The following CAST variants were observed in gnomAD, a reference collection of about 807,000 sequenced individuals.
The protein encoded by CAST is calpastatin, also known as MIR583 host.
In CAST, 76 loss-of-function variants were observed where a neutral mutation model predicts 119.6. The ratio of observed to expected loss-of-function variants is 0.64; its 90% CI spans 0.53 to 0.77. The LOEUF (loss-of-function observed/expected upper bound fraction) is 0.77. Ranked by LOEUF, CAST falls within the 30% of genes least tolerant of loss-of-function variation. CAST has a pLI of 0.00. For synonymous variants in CAST, 319 were observed against 331.6 expected (o/e 0.96, Z 0.41); for missense variants, 953 against 946.5 (o/e 1.01, Z -0.09).
the CAST span, among the ~76,000 whole-genome samples, chr5:96,407,675 A>C: frequency 1.3e-5 from 2 of 152,260 alleles, no homozygotes; most frequent in Admixed American, 6.5e-5. Flanking sequence ...GATGACTTTA[A>C]GGAAATTTGT....
At chr5:96,341,165 G>A in the CAST span, among the ~76,000 whole-genome samples, 1 of 152,250 alleles carries the variant, frequency 6.6e-6, no homozygotes, top group Admixed American at 6.5e-5. Context: ...GGAATTATTT[G>A]CACTTTAATT....
At chr5:96,294,610 C>A in the CAST span, among the ~76,000 whole-genome samples, 2 of 152,210 alleles carry the variant, frequency 1.3e-5, no homozygotes, top group African/African-American at 4.8e-5. Context: ...AGCATTTATG[C>A]AGATTCTAGA....
At chr5:96,335,749 A>G in the CAST span, among the ~76,000 whole-genome samples, 20 of 152,158 alleles carry the variant, frequency 1.3e-4, no homozygotes, top group Non-Finnish European at 2.1e-4. Context: ...AGCTACATGT[A>G]TCACTTCCCT....
the CAST span, among the ~76,000 whole-genome samples, chr5:96,156,710 C>T: frequency 2.6e-5 from 4 of 152,130 alleles, no homozygotes; most frequent in African/African-American, 9.7e-5. Context: ...TTTACGAACT[C>T]CAAAAATTAA....
the CAST span, among the ~76,000 whole-genome samples, chr5:96,030,739 C>T: frequency 6.6e-6 from 1 of 152,092 alleles, no homozygotes; most frequent in Non-Finnish European, 1.5e-5. Flanking sequence ...GGCCTTAGCC[C>T]TAATACTTTC....
At chr5:96,593,554 A>G (rs1747001003) in intron 1 of CAST, among the ~76,000 whole-genome samples, 1 of 152,222 alleles carries the variant, frequency 6.6e-6, no homozygotes, top group South Asian at 2.1e-4. Context: ...ATGCACATGA[A>G]CAGAAGAGAT....
At chr5:96,167,392 C>T in the CAST span, among the ~76,000 whole-genome samples, 28 of 152,006 alleles carry the variant, frequency 1.8e-4, no homozygotes, top group African/African-American at 3.1e-4. Context: ...TTTTTTGGGG[C>T]GCAGTCCAAG....
At chr5:96,213,816 G>T in the CAST span, 1 of 151,928 alleles carries the variant, frequency 6.6e-6, no homozygotes, top group Admixed American at 6.6e-5. Flanking sequence ...AATATTAAAA[G>T]GTCAATCCCG....
At chr5:96,479,399 CTCAA>C in the CAST span, among the ~76,000 whole-genome samples, 1 of 151,446 alleles carries the variant, frequency 6.6e-6, no homozygotes, top group Non-Finnish European at 1.5e-5. Context: ...TTGAAATATA[CTCAA>C]TCATTCAAAA....
chr5:96,459,539 A>T, the CAST span, among the ~76,000 whole-genome samples: 1 of 152,182 alleles, frequency 6.6e-6, no homozygotes, highest in East Asian at 1.9e-4. Context: ...CTTTTAAAAA[A>T]ATTAAGTATA....
At chr5:96,068,480 T>G in the CAST span, among the ~76,000 whole-genome samples, 3 of 151,940 alleles carry the variant, frequency 2.0e-5, no homozygotes, top group Admixed American at 6.6e-5. Context: ...CCCTTCCAGC[T>G]CCATCCATTC....
At chr5:96,121,659 G>A in the CAST span, among the ~76,000 whole-genome samples, 1 of 152,184 alleles carries the variant, frequency 6.6e-6, no homozygotes, top group African/African-American at 2.4e-5. Flanking sequence ...CAATTGAAGT[G>A]TAAGTGCAAT....
At chr5:96,470,207 A>G in the CAST span, among the ~76,000 whole-genome samples, 96,067 of 151,198 alleles carry the variant, frequency 0.64, 32,029 homozygotes, top group African/African-American at 0.76. Context: ...ACACACACAC[A>G]CACGCACAGA....
At chr5:96,555,377 T>G (rs958606333) in intron 1 of CAST, among the ~76,000 whole-genome samples, 1 of 151,918 alleles carries the variant, frequency 6.6e-6, no homozygotes, top group African/African-American at 2.4e-5. Context: ...AGACAGTGGG[T>G]GCAGGACAGT....
chr5:96,245,630 A>C, the CAST span, among the ~76,000 whole-genome samples: 1 of 152,076 alleles, frequency 6.6e-6, no homozygotes. Flanking sequence ...GGAAAAAAAA[A>C]AAAAAAACAA....
chr5:96,485,576 A>T, the CAST span, among the ~76,000 whole-genome samples: 1 of 152,170 alleles, frequency 6.6e-6, no homozygotes, highest in African/African-American at 2.4e-5. Flanking sequence ...GAGAAGAGAC[A>T]CCCAAATATG....
the CAST span, among the ~76,000 whole-genome samples, chr5:96,362,966 A>T: frequency 1.3e-5 from 2 of 152,112 alleles, no homozygotes; most frequent in African/African-American, 4.8e-5. Context: ...TTATGATTTC[A>T]GGTCTAACAT....
chr5:96,339,791 C>T, the CAST span, among the ~76,000 whole-genome samples: 13 of 152,104 alleles, frequency 8.5e-5, no homozygotes, highest in African/African-American at 2.7e-4. Context: ...GCAGGTAGAG[C>T]GAGTAGTTGA....
chr5:96,089,943 G>A, the CAST span, among the ~76,000 whole-genome samples: 1 of 152,026 alleles, frequency 6.6e-6, no homozygotes, highest in Non-Finnish European at 1.5e-5. Flanking sequence ...ACTGGGCTTT[G>A]GAGTCAGACC....
Sources: allele counts gnomAD v4.1 joint callset (sites outside exome capture counted in the v4.1 genomes callset), GRCh38; gene constraint gnomAD v4.1.1; transcripts MANE v1.5; gene names NCBI Gene and HGNC (gene_info 2026-07-23, HGNC 2026-07-21).